Variants in PLEC observed in about 807,000 individuals in gnomAD.
The protein encoded by PLEC is hemidesmosomal protein 1.
A neutral mutation model predicts 392.8 loss-of-function variants in PLEC; 216 were observed. The observed-to-expected ratio is 0.55, with a 90% CI of 0.49 to 0.62. PLEC has a LOEUF of 0.62. Among genes scored for constraint, PLEC ranks in the 20% least tolerant of loss-of-function variants. The probability of loss-of-function intolerance (pLI) is 0.00; values close to 1 mark genes in which losing one functional copy is unlikely to be tolerated. For synonymous variants in PLEC, 3,621 were observed against 2,980.6 expected (o/e 1.21, Z -7.00); for missense variants, 6,863 against 6,563.4 (o/e 1.05, Z -1.58).
At chr8:143,960,764 TC>T (rs1402790280) in intron 1 of PLEC, among the ~76,000 whole-genome samples, 1 of 152,128 alleles carries the variant, frequency 6.6e-6, no homozygotes, top group African/African-American at 2.4e-5. Flanking sequence ...TCTCCCTGTC[TC>T]CCCCCACCCA....
intron 1 of PLEC, among the ~76,000 whole-genome samples, chr8:143,949,247 C>T (rs1407693695): frequency 6.6e-6 from 1 of 152,258 alleles, no homozygotes; most frequent in African/African-American, 2.4e-5. Flanking sequence ...CCCAGGCCCC[C>T]TTCTTCAGCC....
rs946680945 is a variant in PLEC, at chr8:143,935,194, G to C, written c.718+4C>G. 1 of 1,611,802 alleles carries C rather than the reference G, an allele frequency of 6.2e-7. No homozygotes were observed. Among genetic ancestry groups the C allele is most frequent in the South Asian group, 1.1e-5 (1 of 91,060 alleles). On this transcript the variant is annotated splice_donor_region_variant and intron_variant, in intron 7 of 31. Transcript: ENST00000345136. ...GGACAGGGAGGAAGGCCACGCAGAC[G>C]TACCCTCAGGGTCCAGGAGCCGCGT...
At chr8:143,961,414 C>T (rs1214570256) in intron 1 of PLEC, among the ~76,000 whole-genome samples, 18 of 152,122 alleles carry the variant, frequency 1.2e-4, no homozygotes, top group Admixed American at 9.2e-4. Context: ...TTAGTAGAGA[C>T]AGCGTTTCAC....
In PLEC at chr8:143,929,748, G is replaced by T. The variant is rs782717897; in HGVS notation, c.2821C>A (p.Gln941Lys). Residue 941 changes from glutamine (Q) to lysine (K), a missense_variant, in exon 23 of 32, where the codon CAG (glutamine) becomes AAG (lysine). By Grantham distance (53) the Gln-to-Lys change is moderately conservative. Transcript: ENST00000345136. ...TCGGGTCCGAAGCCGCCCGCGTCCT[G>T]GCTGTCCCGCAGGAAGGCCTGGTAG... ...LHYQAFLRDS[Q>K]DAGGFGPEDR... 5.0e-6 allele frequency: 8 copies of T among 1,600,008 alleles called. No homozygotes were observed. The Admixed American group carries it at 8.4e-5, about 17-fold the overall frequency.
Position 143,933,919 on chromosome 8 carries a change from C to A in PLEC, c.1263+79G>T. On this transcript the variant is annotated intron_variant, in intron 12 of 31. Transcript: ENST00000345136. Reference sequence around the variant, plus strand: ...CCCAGGAGCCCAGGGGGACAGCCCCCTCCTGGCTTTAGGGCTGCAGGGCGG... The same window carrying A: ...CCCAGGAGCCCAGGGGGACAGCCCCATCCTGGCTTTAGGGCTGCAGGGCGG... 7 of 1,309,436 alleles carry A rather than the reference C, an allele frequency of 5.3e-6. No individual in the cohort carries two copies. The South Asian group carries it at 8.7e-5, about 16-fold the overall frequency. The allele number at this position is 1,309,436 out of a possible 1,614,324, so 81.1% of individuals were successfully genotyped here. A position where few individuals can be genotyped will look rare whatever the true frequency, so the allele number is the denominator to read the frequency against.
intron 3 of PLEC, 86 bp from the exon 4 acceptor site, chr8:143,937,328 G>A (rs1422932006): frequency 1.7e-5 from 17 of 986,306 alleles, no homozygotes; most frequent in East Asian, 1.5e-4. Context: ...CGCAGCAACC[G>A]AGCCAAGGGT....
upstream of PLEC, chr8:143,942,637 TC>T (rs1383272918): frequency 1.0e-4 from 122 of 1,193,430 alleles, no homozygotes; most frequent in Non-Finnish European, 1.0e-4. Context: ...CTCTTCCACC[TC>T]CCCCCCACAA....
rs782393009 is a variant in PLEC at position 143,916,204 on chromosome 8, C to A, written c.13617G>T (p.Leu4539=). ...RRYASGSSAS[L]GGPESAVA ...AGGCCACGGCAGACTCAGGGCCCCC[C>A]AGGGAGGCCGAGGACCCCGAGGCGT... Residue 4539 remains leucine (L), a synonymous_variant, in exon 32 of 32, where the codon CTG becomes CTT. Transcript: ENST00000345136. 1 of 1,544,068 alleles carries A rather than the reference C, an allele frequency of 6.5e-7. No homozygotes were observed. Among genetic ancestry groups the A allele is most frequent in the Non-Finnish European group, 8.7e-7 (1 of 1,144,678 alleles).
In PLEC at chr8:143,919,331, T is replaced by G. The variant is rs1821716101; in HGVS notation, c.10490A>C (p.Glu3497Ala). The change falls in exon 32 of 32, where the codon GAG becomes GCG. Residue 3497 changes from glutamate to alanine, a missense_variant. Coordinates refer to ENST00000345136, the MANE Select transcript of PLEC (RefSeq NM_201384.3). The stretch of plus-strand genomic sequence containing the variant: ...GGGGTCCGCCAGGACGCGGTTCATC[T>G]CCTCACTGAAGTAGCCGCGCTGGTA... ...VAYQRGYFSE[E>A]MNRVLADPSD... is the part of the protein sequence containing the mutation. 6.2e-7 allele frequency: 1 copy of G among 1,613,782 alleles called. No individual in the cohort carries two copies. The highest frequency in any genetic ancestry group is 2.2e-5 in the East Asian group (1 of 44,888).
At chr8:143,928,717 T>C (rs1172189464) in intron 25 of PLEC, among the ~76,000 whole-genome samples, 3 of 152,198 alleles carry the variant, frequency 2.0e-5, no homozygotes, top group African/African-American at 4.8e-5. Flanking sequence ...CATAACACAT[T>C]GGAAATAAAT....
In PLEC at chr8:143,920,916, TCTGCTC is replaced by T. The variant is rs782298339; in HGVS notation, c.8899_8904del (p.Glu2967_Gln2968del). ...AGGCCCTCAAAGCAAAGCCGGCCCT[TCTGCTC>T]CTGCTCCTCCACCACCGTGATGATG... is the stretch of plus-strand genomic sequence containing the variant. On this transcript the variant is annotated inframe_deletion, in exon 32 of 32. Coordinates refer to ENST00000345136, the MANE Select transcript of PLEC (RefSeq NM_201384.3). 3 of 1,612,678 alleles carry T rather than the reference TCTGCTC, an allele frequency of 1.9e-6. No individual in the cohort carries two copies. The highest frequency in any genetic ancestry group is 2.7e-5 in the African/African-American group (2 of 75,058).
At chr8:143,930,631 T>C in intron 19 of PLEC, 95 bp from the exon 20 acceptor site, 1 of 1,310,650 alleles carries the variant, frequency 7.6e-7, no homozygotes, top group South Asian at 1.3e-5. Flanking sequence ...TGTGGGGCCC[T>C]CCTGATGCTC....
At chr8:143,954,606 A>G (rs145642814), upstream of PLEC, among the ~76,000 whole-genome samples, 922 of 152,110 alleles carry the variant, frequency 6.1e-3, 6 homozygotes, top group Middle Eastern at 0.02. This position sits in a 1 kb window ranked among gnomAD's most constrained non-coding sequence, Gnocchi z 4.6. Flanking sequence ...AACCACCCCT[A>G]TGGCTAATGG....
At chr8:143,972,357 G>A (rs1199242561) in intron 1 of PLEC, among the ~76,000 whole-genome samples, 1 of 151,732 alleles carries the variant, frequency 6.6e-6, no homozygotes, top group African/African-American at 2.4e-5. Context: ...CAGGCAAAGC[G>A]GCTGGGCACA....
chr8:143,950,331 G>C, exon 1 of PLEC: 1 of 1,577,052 alleles, frequency 6.3e-7, no homozygotes, highest in Non-Finnish European at 8.6e-7. Context: ...CGCTTGGGTG[G>C]GGAGCCCAGG....
Position 143,923,325 on chromosome 8 carries a change from T to C in PLEC, c.6604A>G (p.Lys2202Glu). The C allele has an allele frequency of 6.2e-7, 1 of 1,610,044 alleles. No homozygotes were observed. The highest frequency in any genetic ancestry group is 8.5e-7 in the Non-Finnish European group (1 of 1,179,560). The change falls in exon 31 of 32, where the codon AAG becomes GAG. Residue 2202 changes from lysine to glutamate, a missense_variant. Transcript: ENST00000345136. The part of the protein sequence containing the change: ...RLQLEETDHQ[K>E]NLLDEELQRL... Reference sequence around the variant, plus strand: ...TGCAGCTCCTCGTCCAGCAGGTTCTTCTGGTGGTCGGTCTCCTCCAGCTGC... The same window carrying C: ...TGCAGCTCCTCGTCCAGCAGGTTCTCCTGGTGGTCGGTCTCCTCCAGCTGC...
upstream of PLEC, among the ~76,000 whole-genome samples, chr8:143,952,842 CAG>C (rs573634638): frequency 1.2e-3 from 182 of 152,270 alleles, no homozygotes; most frequent in African/African-American, 3.8e-3. Flanking sequence ...CTTCCTCCAG[CAG>C]AGATGGGGCG....
At position 143,934,897 on chromosome 8, in the gene PLEC, C is replaced by T; in HGVS notation, c.858G>A (p.Glu286=). The T allele has an allele frequency of 6.2e-7, 1 of 1,611,346 alleles. No individual in the cohort carries two copies. The highest frequency in any genetic ancestry group is 1.1e-5 in the South Asian group (1 of 91,070). The stretch of plus-strand genomic sequence containing the variant: ...TCCACTGAAGCAGCAGCAGCACCAG[C>T]TCCCGGTACTCCTGCCAGCGCAGCT... ...ELQLRWQEYR[E]LVLLLLQWMR... Residue 286 remains glutamate (E), a synonymous_variant, in exon 9 of 32, where the codon GAG becomes GAA. Transcript: ENST00000345136.
chr8:143,938,851 G>A (rs1260604012), intron 1 of PLEC, among the ~76,000 whole-genome samples, 159 bp from the exon 2 acceptor site: 2 of 152,028 alleles, frequency 1.3e-5, no homozygotes, highest in Non-Finnish European at 2.9e-5. Flanking sequence ...GCCCTCACCC[G>A]CAGCCCAGCC....
Sources: gnomAD v4.1 joint callset for allele counts (sites outside exome capture counted in the v4.1 genomes callset) on GRCh38, gnomAD v4.1.1 for gene constraint, Gnocchi (gnomAD v3.1) non-coding constraint, MANE v1.5 for transcripts, NCBI Gene and HGNC (gene_info 2026-07-23, HGNC 2026-07-21) for gene names.